Variants in FHIP1A observed in about 807,000 individuals in gnomAD.
FHIP1A encodes FHF complex subunit HOOK interacting protein 1A.
In FHIP1A, 61 loss-of-function variants were observed where a neutral mutation model predicts 88.6. That is an observed-to-expected ratio of 0.69 (90% CI 0.56 to 0.85). The LOEUF is 0.85. FHIP1A is among the 40% of genes least tolerant of loss of function. FHIP1A has a pLI of 0.00. For missense variants in FHIP1A, 1,154 were observed against 1,273.5 expected (o/e 0.91, Z 1.43); for synonymous variants, 478 against 496.0 (o/e 0.96, Z 0.48).
intron 10 of FHIP1A, 112 bp downstream of exon 10, chr4:151,646,860 T>C: frequency 1.4e-6 from 1 of 690,808 alleles, no homozygotes; most frequent in Admixed American, 2.7e-5. Context: ...CCCATTTCTC[T>C]TATGAATGAC....
intron 13 of FHIP1A, among the ~76,000 whole-genome samples, chr4:151,661,610 G>C (rs1307036909): frequency 6.6e-6 from 1 of 151,936 alleles, no homozygotes; most frequent in Non-Finnish European, 1.5e-5. Flanking sequence ...GTTTGGGTAG[G>C]GGGCAGAGGA....
intron 1 of FHIP1A, among the ~76,000 whole-genome samples, chr4:151,438,402 G>A (rs1346437147): frequency 6.6e-6 from 1 of 151,922 alleles, no homozygotes; most frequent in African/African-American, 2.4e-5. Flanking sequence ...ACCTAGCGGG[G>A]CACCTGTCAC....
intron 9 of FHIP1A, among the ~76,000 whole-genome samples, chr4:151,640,580 A>T (rs891228569): frequency 1.3e-5 from 2 of 152,254 alleles, no homozygotes; most frequent in Non-Finnish European, 2.9e-5. Context: ...GTGCCAAAAA[A>T]ACCAGGCTTT....
At chr4:151,590,622 C>T (rs1444758858) in intron 7 of FHIP1A, among the ~76,000 whole-genome samples, 1 of 152,196 alleles carries the variant, frequency 6.6e-6, no homozygotes, top group Non-Finnish European at 1.5e-5. Context: ...CAATGCTGAG[C>T]ACAGTACCTT....
intron 3 of FHIP1A, among the ~76,000 whole-genome samples, chr4:151,499,587 A>G (rs1730577494): frequency 6.6e-6 from 1 of 152,214 alleles, no homozygotes; most frequent in African/African-American, 2.4e-5. Flanking sequence ...TTATGTCTGC[A>G]TCCTTGTATT....
In FHIP1A at chr4:151,588,874, A is replaced by G. The variant is rs377228217; in HGVS notation, c.926A>G (p.Asn309Ser). The G allele has an allele frequency of 4.8e-5, 74 of 1,551,368 alleles. No homozygotes were observed. Among genetic ancestry groups the G allele is most frequent in the Non-Finnish European group, 6.0e-5 (69 of 1,146,848 alleles). Reference protein sequence around the residue: ...AHPLIRNQLVNYIYNGFLVPV... With the variant: ...AHPLIRNQLVSYIYNGFLVPV... ...CCCTTGATTCGAAATCAGCTTGTCA[A>G]TTACATTTACAATGGATTTTTGGTA... The change falls in exon 7 of 14, where the codon AAT becomes AGT. Residue 309 changes from asparagine (N) to serine (S), a missense_variant. Asn to Ser is a conservative substitution (Grantham distance 46, BLOSUM62 1). Coordinates refer to ENST00000435205, the MANE Select transcript of FHIP1A (RefSeq NM_001109977.3).
At chr4:151,434,194 C>T (rs933422867) in intron 1 of FHIP1A, among the ~76,000 whole-genome samples, 2 of 152,170 alleles carry the variant, frequency 1.3e-5, no homozygotes, top group African/African-American at 2.4e-5. Context: ...ATCCTGGCCA[C>T]ATTCTTCATT....
chr4:151,490,547 C>G (rs1255794331), intron 3 of FHIP1A, among the ~76,000 whole-genome samples: 1 of 152,116 alleles, frequency 6.6e-6, no homozygotes, highest in Non-Finnish European at 1.5e-5. Context: ...GAAACAGTCT[C>G]CCCAAATAAG....
rs17027761 is a variant in FHIP1A, at chr4:151,659,683, C to T, written c.2869+2785C>T. ...CTGCCTTTTTCTTCAGGTGCTCGTG[C>T]ATGCTTGTTGGACCCTTTTATGAGG... is the stretch of plus-strand genomic sequence containing the variant. On this transcript the variant is annotated intron_variant, in intron 13 of 13. Coordinates refer to ENST00000435205, the MANE Select transcript of FHIP1A (RefSeq NM_001109977.3). Among the ~76,000 whole-genome samples, 1,326 of 152,310 alleles carry T rather than the reference C, an allele frequency of 8.7e-3. 20 individuals are homozygous for T. Among genetic ancestry groups the T allele is most frequent in the African/African-American group, 0.03 (1,236 of 41,558 alleles).
At chr4:151,440,870 A>G (rs1728383542) in intron 1 of FHIP1A, among the ~76,000 whole-genome samples, 1 of 152,118 alleles carries the variant, frequency 6.6e-6, no homozygotes, top group South Asian at 2.1e-4. Flanking sequence ...CTTGGCATCC[A>G]GTTCCATCTC....
At chr4:151,639,127 G>A (rs772284618) in intron 9 of FHIP1A, among the ~76,000 whole-genome samples, 7 of 152,194 alleles carry the variant, frequency 4.6e-5, no homozygotes, top group Admixed American at 1.3e-4. Flanking sequence ...TTAAAAGCAA[G>A]TGTTCCAAAT....
intron 1 of FHIP1A, among the ~76,000 whole-genome samples, chr4:151,442,199 T>G (rs1339341089): frequency 2.0e-5 from 3 of 152,116 alleles, no homozygotes; most frequent in African/African-American, 7.2e-5. Flanking sequence ...CGTGGCTGAT[T>G]GGTGCAGGGG....
At chr4:151,557,859 C>T (rs1256679579) in intron 3 of FHIP1A, among the ~76,000 whole-genome samples, 2 of 152,200 alleles carry the variant, frequency 1.3e-5, no homozygotes, top group African/African-American at 2.4e-5. Flanking sequence ...ATTGTAGGGT[C>T]TCTGAAAAGG....
chr4:151,525,032 A>G (rs1731580050), intron 3 of FHIP1A, among the ~76,000 whole-genome samples: 1 of 152,230 alleles, frequency 6.6e-6, no homozygotes. Flanking sequence ...TTTCACTTGC[A>G]GAAAGATCAT....
chr4:151,585,981 G>T (rs539072067), intron 5 of FHIP1A, among the ~76,000 whole-genome samples: 1 of 151,976 alleles, frequency 6.6e-6, no homozygotes, highest in Admixed American at 6.5e-5. Context: ...CTTGAATCTT[G>T]TCATCACATC....
chr4:151,588,835 C>G lies in FHIP1A; in HGVS notation c.892-5C>G. On this transcript the variant is annotated splice_region_variant and splice_polypyrimidine_tract_variant and intron_variant, in intron 6 of 13. Transcript: ENST00000435205. ...CTTTTTCATGCCTATGTGCCTCTCT[C>G]TCAGGTGGCTCACCCCTTGATTCGA... The G allele has an allele frequency of 1.3e-6, 2 of 1,543,218 alleles. No homozygotes were observed. The highest frequency in any genetic ancestry group is 4.9e-5 in the East Asian group (2 of 40,850).
intron 3 of FHIP1A, among the ~76,000 whole-genome samples, chr4:151,547,453 A>C (rs1289821387): frequency 6.6e-6 from 1 of 152,180 alleles, no homozygotes; most frequent in Admixed American, 6.5e-5. Flanking sequence ...CCAGAATATA[A>C]ATTTGATAAA....
At chr4:151,416,366 G>A (rs924082251) in intron 1 of FHIP1A, among the ~76,000 whole-genome samples, 1 of 152,006 alleles carries the variant, frequency 6.6e-6, no homozygotes, top group African/African-American at 2.4e-5. Context: ...TTTTGTTTGT[G>A]TTCATGGAAC....
chr4:151,428,761 A>C (rs958978574), intron 1 of FHIP1A, among the ~76,000 whole-genome samples: 1 of 151,936 alleles, frequency 6.6e-6, no homozygotes, highest in African/African-American at 2.4e-5. Context: ...CATTTCTTTT[A>C]ATGTGTTTTT....
Sources: allele counts gnomAD v4.1 joint callset (sites outside exome capture counted in the v4.1 genomes callset), GRCh38; gene constraint gnomAD v4.1.1; transcripts MANE v1.5; gene names NCBI Gene and HGNC (gene_info 2026-07-23, HGNC 2026-07-21).